ESRRG: variants seen among roughly 807,000 people sequenced by gnomAD.
ESRRG encodes the protein estrogen-related receptor gamma.
ESRRG carries 13 observed loss-of-function variants against 44.0 expected under a neutral mutation model. The ratio of observed to expected loss-of-function variants is 0.30; its 90% CI spans 0.19 to 0.47. The LOEUF (loss-of-function observed/expected upper bound fraction) is 0.47, where lower values mean the gene tolerates loss of function less well. Among genes scored for constraint, ESRRG ranks in the 20% least tolerant of loss-of-function variants. ESRRG has a pLI of 1.00. For synonymous variants in ESRRG, 215 were observed against 214.6 expected, an observed-to-expected ratio of 1.00 and a Z score of -0.02; for missense variants, 395 against 580.6, an observed-to-expected ratio of 0.68 and a Z score of 3.29.
chr1:216,943,118 C>T (rs368512731), intron 1 of ESRRG, among the ~76,000 whole-genome samples: 1 of 152,072 alleles, frequency 6.6e-6, no homozygotes, highest in Non-Finnish European at 1.5e-5. Flanking sequence ...TGCAAGATTC[C>T]CAGGGTGTAC....
intron 3 of ESRRG, among the ~76,000 whole-genome samples, chr1:216,586,232 C>T (rs948968323): frequency 3.9e-5 from 6 of 152,010 alleles, no homozygotes; most frequent in African/African-American, 1.5e-4. Context: ...TCTGAAGTTA[C>T]CTGGGTCTCA....
chr1:216,924,581 A>C (rs919154503), intron 2 of ESRRG, among the ~76,000 whole-genome samples: 1 of 152,236 alleles, frequency 6.6e-6, no homozygotes, highest in Non-Finnish European at 1.5e-5. Flanking sequence ...CTCTCAAATC[A>C]GAGTTTTGTC....
At chr1:216,651,864 A>C (rs2069066083) in intron 2 of ESRRG, among the ~76,000 whole-genome samples, 1 of 152,186 alleles carries the variant, frequency 6.6e-6, no homozygotes, top group Non-Finnish European at 1.5e-5. Flanking sequence ...CTACATATTT[A>C]AAATGGCAAC....
chr1:216,718,508 C>G (rs754039238), intron 1 of ESRRG, among the ~76,000 whole-genome samples: 2 of 151,868 alleles, frequency 1.3e-5, no homozygotes, highest in Admixed American at 6.6e-5. Flanking sequence ...GAAAGATTGT[C>G]AAGCAGCAGA....
chr1:216,940,034 GA>G (rs537734640), intron 1 of ESRRG, among the ~76,000 whole-genome samples: 116 of 148,870 alleles, frequency 7.8e-4, no homozygotes, highest in South Asian at 4.0e-3. Flanking sequence ...ATAACTTTCA[GA>G]AAAAAAAAAA....
chr1:216,675,500 C>T (rs573754789), intron 2 of ESRRG, among the ~76,000 whole-genome samples: 16 of 152,234 alleles, frequency 1.1e-4, no homozygotes, highest in African/African-American at 2.6e-4. Context: ...AAAACTAGTA[C>T]GTCACAAAAT....
intron 2 of ESRRG, among the ~76,000 whole-genome samples, chr1:216,657,192 C>T (rs2070847231): frequency 6.6e-6 from 1 of 152,084 alleles, no homozygotes; most frequent in Non-Finnish European, 1.5e-5. Context: ...GAAAATAATA[C>T]TATCTATAGC....
intron 1 of ESRRG, among the ~76,000 whole-genome samples, chr1:216,968,413 G>A (rs1353040654): frequency 6.6e-6 from 1 of 152,108 alleles, no homozygotes; most frequent in Non-Finnish European, 1.5e-5. Flanking sequence ...TGTGAAGAAT[G>A]TAAGATCTAT....
intron 1 of ESRRG, among the ~76,000 whole-genome samples, chr1:217,041,230 A>C (rs573407975): frequency 6.6e-6 from 1 of 152,290 alleles, no homozygotes; most frequent in African/African-American, 2.4e-5. Context: ...CACTGTAAAA[A>C]GATCATAGCT....
At chr1:216,591,644 C>G (rs1407663694) in intron 3 of ESRRG, among the ~76,000 whole-genome samples, 2 of 152,128 alleles carry the variant, frequency 1.3e-5, no homozygotes, top group Middle Eastern at 3.2e-3. Flanking sequence ...ACATACAAAA[C>G]CAGCCTGGAG....
intron 1 of ESRRG, among the ~76,000 whole-genome samples, chr1:216,703,030 G>T (rs1238509231): frequency 6.6e-6 from 1 of 152,000 alleles, no homozygotes; most frequent in East Asian, 1.9e-4. Flanking sequence ...ACCAATCAAG[G>T]CAATGAGAAA....
chr1:216,946,452 C>A (rs866817958), intron 1 of ESRRG, among the ~76,000 whole-genome samples: 8 of 152,298 alleles, frequency 5.3e-5, no homozygotes, highest in Middle Eastern at 6.8e-3. Flanking sequence ...ACCACTACAC[C>A]ATGATTCAGG....
chr1:216,594,528 T>C (rs775711290), intron 3 of ESRRG, among the ~76,000 whole-genome samples: 42 of 152,268 alleles, frequency 2.8e-4, no homozygotes, highest in Admixed American at 5.9e-4. Context: ...TTTAAAGTGG[T>C]CCTCTACCTC....
chr1:216,850,489 C>T (rs2095824727), intron 2 of ESRRG, among the ~76,000 whole-genome samples: 1 of 151,988 alleles, frequency 6.6e-6, no homozygotes, highest in Admixed American at 6.6e-5. Context: ...TAAACCAAAA[C>T]CTTATGTAGA....
intron 1 of ESRRG, among the ~76,000 whole-genome samples, chr1:217,128,570 A>C (rs2092920551): frequency 6.6e-6 from 1 of 152,218 alleles, no homozygotes; most frequent in African/African-American, 2.4e-5. Context: ...ATTTCTTGGT[A>C]GATGAATTTG....
At chr1:216,849,939 T>C (rs1055502226) in intron 2 of ESRRG, among the ~76,000 whole-genome samples, 1 of 152,150 alleles carries the variant, frequency 6.6e-6, no homozygotes, top group Non-Finnish European at 1.5e-5. Context: ...ATGAACTCTC[T>C]TGTTTTAGTG....
chr1:216,967,335 A>G (rs532734270), intron 1 of ESRRG, among the ~76,000 whole-genome samples: 8 of 152,256 alleles, frequency 5.3e-5, no homozygotes, highest in African/African-American at 1.9e-4. Flanking sequence ...CTATTATTAT[A>G]ATATCATACA....
chr1:216,519,464 A>G, intron 5 of ESRRG, 43 bp from the exon 6 acceptor site: 1 of 1,559,606 alleles, frequency 6.4e-7, no homozygotes, highest in Non-Finnish European at 8.6e-7. Flanking sequence ...TAAAGCCATA[A>G]TTTCATAATG....
At chr1:216,912,232 A>AGGG (rs2060533587) in intron 2 of ESRRG, among the ~76,000 whole-genome samples, 1 of 63,524 alleles carries the variant, frequency 1.6e-5, no homozygotes, top group Admixed American at 1.7e-4. Context: ...AGAGGAGAGG[A>AGGG]GAGGAGAGGA....
Sources: gnomAD v4.1 joint callset for allele counts (sites outside exome capture counted in the v4.1 genomes callset) on GRCh38, gnomAD v4.1.1 for gene constraint, MANE v1.5 for transcripts, NCBI Gene and HGNC (gene_info 2026-07-23, HGNC 2026-07-21) for gene names.